The following RIMS1 variants were observed in gnomAD, a reference collection of about 807,000 sequenced individuals.
The protein encoded by RIMS1 is regulating synaptic membrane exocytosis protein 1.
In RIMS1, 83 loss-of-function variants were observed where a neutral mutation model predicts 214.1. The observed-to-expected ratio is 0.39, with a 90% confidence interval of 0.32 to 0.47. RIMS1 has a LOEUF of 0.47. Among genes scored for constraint, RIMS1 ranks in the 20% least tolerant of loss-of-function variants. RIMS1 has a pLI of 0.99. For missense variants in RIMS1, 2,050 were observed against 2,161.8 expected, an observed-to-expected ratio of 0.95 and a Z score of 1.03; for synonymous variants, 793 against 786.8, an observed-to-expected ratio of 1.01 and a Z score of -0.13.
chr6:72,101,093 A>G (rs2153809279), intron 4 of RIMS1, among the ~76,000 whole-genome samples: 1 of 152,110 alleles, frequency 6.6e-6, no homozygotes. Context: ...TCCTTTAAAG[A>G]GTAAAAGTGT....
intron 29 of RIMS1, among the ~76,000 whole-genome samples, chr6:72,343,571 A>G (rs2154359657): frequency 7.4e-6 from 1 of 134,970 alleles, no homozygotes; most frequent in Non-Finnish European, 1.5e-5. Flanking sequence ...TCAGCCTCCC[A>G]AAGTCCTGGG....
At chr6:71,930,111 A>G (rs1782617268) in intron 1 of RIMS1, among the ~76,000 whole-genome samples, 1 of 152,064 alleles carries the variant, frequency 6.6e-6, no homozygotes. Context: ...AAAAGAAAAT[A>G]AACTAGGTGG....
At chr6:71,911,788 G>T (rs187348471) in intron 1 of RIMS1, among the ~76,000 whole-genome samples, 1 of 152,182 alleles carries the variant, frequency 6.6e-6, no homozygotes, top group East Asian at 1.9e-4. Flanking sequence ...ATAAGACATT[G>T]GTCCTGATGA....
chr6:72,083,893 C>A (rs1834016472), intron 2 of RIMS1, among the ~76,000 whole-genome samples: 1 of 152,146 alleles, frequency 6.6e-6, no homozygotes, highest in Non-Finnish European at 1.5e-5. Flanking sequence ...AGGCCAGACT[C>A]ACACTTATGC....
At chr6:72,104,697 C>T (rs1245335571) in intron 4 of RIMS1, among the ~76,000 whole-genome samples, 1 of 152,132 alleles carries the variant, frequency 6.6e-6, no homozygotes, top group Non-Finnish European at 1.5e-5. Context: ...AAGTCTCTTG[C>T]TGTTCTTATA....
intron 2 of RIMS1, among the ~76,000 whole-genome samples, chr6:72,011,905 T>C (rs1810775746): frequency 6.6e-6 from 1 of 152,208 alleles, no homozygotes; most frequent in Non-Finnish European, 1.5e-5. Context: ...GCTCAACCAT[T>C]GTGGAAGTCA....
intron 26 of RIMS1, among the ~76,000 whole-genome samples, chr6:72,306,636 C>A (rs141482226): frequency 6.6e-6 from 1 of 151,994 alleles, no homozygotes; most frequent in African/African-American, 2.4e-5. Flanking sequence ...TTCAAACTTA[C>A]GAATTTCATT....
chr6:71,970,312 A>G (rs192012114), intron 2 of RIMS1, among the ~76,000 whole-genome samples: 24 of 152,308 alleles, frequency 1.6e-4, no homozygotes, highest in African/African-American at 2.2e-4. Flanking sequence ...CCATTTTTGT[A>G]TGATGGAACT....
At chr6:72,334,544 CAGATT>C (rs376257821) in intron 29 of RIMS1, among the ~76,000 whole-genome samples, 26 of 151,866 alleles carry the variant, frequency 1.7e-4, no homozygotes, top group African/African-American at 6.0e-4. Flanking sequence ...ATTGGCCAGA[CAGATT>C]AGATTATTCA....
At chr6:72,078,684 A>G (rs1265473851) in intron 2 of RIMS1, among the ~76,000 whole-genome samples, 1 of 152,066 alleles carries the variant, frequency 6.6e-6, no homozygotes, top group Non-Finnish European at 1.5e-5. Context: ...ACACAAAAAA[A>G]CAAGCAAACA....
At chr6:72,311,689 C>T (rs1253033358) in intron 27 of RIMS1, among the ~76,000 whole-genome samples, 1 of 152,072 alleles carries the variant, frequency 6.6e-6, no homozygotes, top group Admixed American at 6.6e-5. Flanking sequence ...CTTTTATCAA[C>T]ACATACACAT....
intron 1 of RIMS1, among the ~76,000 whole-genome samples, chr6:71,953,309 T>C (rs1053480251): frequency 6.6e-6 from 1 of 152,170 alleles, no homozygotes; most frequent in Non-Finnish European, 1.5e-5. Flanking sequence ...TCTTAAGCCC[T>C]TTCTTGTGTT....
chr6:72,340,946 T>G (rs1197074199), intron 29 of RIMS1, among the ~76,000 whole-genome samples: 5 of 152,108 alleles, frequency 3.3e-5, no homozygotes, highest in Non-Finnish European at 5.9e-5. Flanking sequence ...GTTTGTATCC[T>G]CTTTTATTTC....
intron 1 of RIMS1, among the ~76,000 whole-genome samples, chr6:71,909,034 G>A (rs921358687): frequency 1.3e-5 from 2 of 151,984 alleles, no homozygotes; most frequent in Admixed American, 1.3e-4. Context: ...TTGTTGCTCA[G>A]GCTGGAGTGC....
At chr6:72,081,391 C>A (rs1203451058) in intron 2 of RIMS1, among the ~76,000 whole-genome samples, 1 of 152,014 alleles carries the variant, frequency 6.6e-6, no homozygotes, top group Non-Finnish European at 1.5e-5. Context: ...ATTTTCTGTC[C>A]AGGGTTCTGA....
chr6:71,897,857 A>G (rs1422481759), intron 1 of RIMS1, among the ~76,000 whole-genome samples: 1 of 152,146 alleles, frequency 6.6e-6, no homozygotes, highest in Non-Finnish European at 1.5e-5. Context: ...GATTCAAGGA[A>G]TGTGGACTGG....
At chr6:72,289,056 T>C (rs1222749681) in intron 24 of RIMS1, among the ~76,000 whole-genome samples, 2 of 152,240 alleles carry the variant, frequency 1.3e-5, no homozygotes, top group African/African-American at 4.8e-5. Flanking sequence ...TTTTGCCATT[T>C]AGTTTGATGC....
intron 1 of RIMS1, among the ~76,000 whole-genome samples, chr6:71,956,689 G>A (rs2151198051): frequency 6.6e-6 from 1 of 152,246 alleles, no homozygotes; most frequent in East Asian, 1.9e-4. Context: ...TTAAAATGGA[G>A]TTCATGGAAA....
chr6:72,290,138 C>T (rs563370320), intron 24 of RIMS1, among the ~76,000 whole-genome samples: 1 of 152,046 alleles, frequency 6.6e-6, no homozygotes, highest in Non-Finnish European at 1.5e-5. Flanking sequence ...TTTTTGTCTA[C>T]TTAGATTAAC....
Sources: gnomAD v4.1 joint callset for allele counts (sites outside exome capture counted in the v4.1 genomes callset) on GRCh38, gnomAD v4.1.1 for gene constraint, MANE v1.5 for transcripts, NCBI Gene and HGNC (gene_info 2026-07-23, HGNC 2026-07-21) for gene names.